Variants in FOXK2 observed in about 807,000 individuals in gnomAD.
FOXK2 encodes forkhead box K2.
In FOXK2, 24 loss-of-function variants were observed where a neutral mutation model predicts 53.3. The observed-to-expected ratio is 0.45, with a 90% confidence interval of 0.33 to 0.63. FOXK2 has a LOEUF of 0.63. Among genes scored for constraint, FOXK2 ranks in the 30% least tolerant of loss-of-function variants. The pLI is 0.03. For missense variants in FOXK2, 952 were observed against 910.5 expected, an observed-to-expected ratio of 1.05 and a Z score of -0.59; for synonymous variants, 505 against 407.1, an observed-to-expected ratio of 1.24 and a Z score of -2.89.
intron 1 of FOXK2, among the ~76,000 whole-genome samples, chr17:82,533,592 C>A (rs912442418): frequency 1.3e-5 from 2 of 152,100 alleles, no homozygotes; most frequent in African/African-American, 4.8e-5. Context: ...TACTTTCATA[C>A]GGCTGTTCGC....
intron 8 of FOXK2, among the ~76,000 whole-genome samples, chr17:82,590,418 C>T (rs1038615999): frequency 3.9e-5 from 6 of 152,166 alleles, no homozygotes; most frequent in African/African-American, 4.8e-5. Flanking sequence ...GGCCTCCCAA[C>T]GTGCTGAGAT....
intron 4 of FOXK2, among the ~76,000 whole-genome samples, chr17:82,574,559 A>G (rs2044961033): frequency 6.6e-6 from 1 of 152,096 alleles, no homozygotes. Flanking sequence ...ACCTCGGGTG[A>G]TCTGCCTGCC....
chr17:82,533,868 G>A (rs138520843), intron 1 of FOXK2, among the ~76,000 whole-genome samples: 125 of 151,626 alleles, frequency 8.2e-4, no homozygotes, highest in African/African-American at 2.7e-3. Flanking sequence ...GTGTGGTGGT[G>A]CGCAGCTGTA....
intron 1 of FOXK2, among the ~76,000 whole-genome samples, chr17:82,538,593 A>C (rs1033843877): frequency 2.0e-5 from 3 of 152,258 alleles, no homozygotes; most frequent in African/African-American, 7.2e-5. Context: ...TGGTGGACAC[A>C]GTCCCCACAG....
At chr17:82,572,959 G>C (rs1405015853) in intron 4 of FOXK2, among the ~76,000 whole-genome samples, 1 of 152,158 alleles carries the variant, frequency 6.6e-6, no homozygotes, top group Non-Finnish European at 1.5e-5. Flanking sequence ...TGAGAGCCGA[G>C]GCAGGTGGAT....
Position 82,520,141 on chromosome 17 carries a change from C to T in FOXK2, c.253C>T (p.Pro85Ser), listed in dbSNP as rs748399513. ...ISRRHLEIFT[P>S]PGGGGHGGAA... ...CCGGCGCCACCTCGAGATCTTCACG[C>T]CCCCGGGCGGCGGCGGCCATGGCGG... is the stretch of plus-strand genomic sequence containing the variant. Residue 85 changes from proline to serine, a missense_variant, in exon 1 of 9, where the codon CCC becomes TCC. Pro to Ser is a moderately conservative substitution (Grantham distance 74). This residue lies in a region of FOXK2 where 163 missense variants were observed against 165.5 expected (regional missense o/e 0.98). Coordinates refer to ENST00000335255, the MANE Select transcript of FOXK2 (RefSeq NM_004514.4). The T allele has an allele frequency of 2.6e-6, 4 of 1,526,532 alleles. No individual in the cohort carries two copies. The African/African-American group carries it at 4.3e-5, about 16-fold the overall frequency. The allele number at this position is 1,526,532 out of a possible 1,614,324, so 94.6% of individuals were successfully genotyped here.
Position 82,524,689 on chromosome 17 carries a change from C to T in FOXK2, c.419+4382C>T, listed in dbSNP as rs112642456. On this transcript the variant is annotated intron_variant, in intron 1 of 8. Transcript: ENST00000335255. ...CAGGGCTGTGTGTAAGGAAAGGCAG[C>T]GTTTTCCTCTCTTAGAGCCTCTGAC... Among the ~76,000 whole-genome samples, 739 of 152,264 alleles carry T rather than the reference C, an allele frequency of 4.9e-3. 2 individuals carry two copies. Among genetic ancestry groups the T allele is most frequent in the Non-Finnish European group, 7.5e-3 (511 of 68,018 alleles).
chr17:82,594,619 A>G (rs2045291678), intron 8 of FOXK2, among the ~76,000 whole-genome samples: 1 of 152,230 alleles, frequency 6.6e-6, no homozygotes, highest in African/African-American at 2.4e-5. Flanking sequence ...ATCTTTCCAA[A>G]AGCCGCCCTC....
chr17:82,560,929 C>G (rs1336285495), intron 1 of FOXK2, among the ~76,000 whole-genome samples: 8 of 152,060 alleles, frequency 5.3e-5, no homozygotes, highest in Admixed American at 2.0e-4. Context: ...CCACTGCTCT[C>G]CAGCCTGGGT....
chr17:82,565,144 C>T (rs1381349937), intron 2 of FOXK2, among the ~76,000 whole-genome samples: 4 of 152,086 alleles, frequency 2.6e-5, no homozygotes, highest in Non-Finnish European at 5.9e-5. Context: ...AATTTGGGCC[C>T]TTATCTTATA....
intron 1 of FOXK2, among the ~76,000 whole-genome samples, chr17:82,530,848 C>T (rs1410004432): frequency 6.6e-6 from 1 of 151,988 alleles, no homozygotes; most frequent in Non-Finnish European, 1.5e-5. Context: ...CTTTTTTGGT[C>T]TTGTATTTTT....
intron 1 of FOXK2, among the ~76,000 whole-genome samples, chr17:82,560,201 G>C (rs1198688406): frequency 6.6e-6 from 1 of 151,782 alleles, no homozygotes; most frequent in East Asian, 1.9e-4. Flanking sequence ...GTAGAGATGG[G>C]GTTTCAGAGT....
rs2044346407 is a variant in FOXK2 at position 82,520,221 on chromosome 17, C to A, written c.333C>A (p.Phe111Leu). 6 of 1,322,946 alleles carry A rather than the reference C, an allele frequency of 4.5e-6. No individual in the cohort carries two copies. The highest frequency in any genetic ancestry group is 1.6e-5 in the African/African-American group (1 of 64,512). 82.0% of individuals were successfully genotyped at this position (1,322,946 alleles called of 1,614,324 possible). A position where few individuals can be genotyped will look rare whatever the true frequency, so the allele number is the denominator to read the frequency against. ...AQPRPDAGGD[F>L]YLRCLGKNGV... is the part of the protein sequence containing the mutation. The stretch of plus-strand genomic sequence containing the variant: ...CCAGGCCCGACGCCGGCGGCGACTT[C>A]TACCTGCGCTGCTTGGGCAAGAACG... The change falls in exon 1 of 9, where the codon TTC becomes TTA. Residue 111 changes from phenylalanine to leucine, a missense_variant. Coordinates refer to ENST00000335255, the MANE Select transcript of FOXK2 (RefSeq NM_004514.4).
Position 82,520,210 on chromosome 17 carries a change from G to C in FOXK2, c.322G>C (p.Gly108Arg). The C allele has an allele frequency of 2.3e-6, 3 of 1,327,846 alleles. No individual in the cohort carries two copies. Among genetic ancestry groups the C allele is most frequent in the Non-Finnish European group, 2.9e-6 (3 of 1,040,344 alleles). The allele number at this position is 1,327,846 out of a possible 1,614,324, so 82.3% of individuals were successfully genotyped here. A position where few individuals can be genotyped will look rare whatever the true frequency, so the allele number is the denominator to read the frequency against. The change falls in exon 1 of 9, where the codon GGC becomes CGC. Residue 108 changes from glycine (G) to arginine (R), a missense_variant. This residue lies in a region of FOXK2 where 163 missense variants were observed against 165.5 expected (regional missense o/e 0.98). Transcript: ENST00000335255. ...LPPAQPRPDAGGDFYLRCLGK... is the reference protein window; with the variant it reads ...LPPAQPRPDARGDFYLRCLGK... The stretch of plus-strand genomic sequence containing the variant: ...GCCCGCGCAGCCCAGGCCCGACGCC[G>C]GCGGCGACTTCTACCTGCGCTGCTT...
At chr17:82,574,614 C>T (rs568558443) in intron 4 of FOXK2, among the ~76,000 whole-genome samples, 1 of 152,334 alleles carries the variant, frequency 6.6e-6, no homozygotes, top group South Asian at 2.1e-4. Context: ...GCCACCGCGC[C>T]TGGCCAATGT....
chr17:82,555,607 G>A (rs969289984), intron 1 of FOXK2, among the ~76,000 whole-genome samples: 9 of 151,864 alleles, frequency 5.9e-5, no homozygotes, highest in Admixed American at 2.0e-4. Context: ...CACTGTCACC[G>A]GGCGCGGTGG....
rs1156413231 is a variant in FOXK2 at position 82,571,669 on chromosome 17, T to G, written c.763-55T>G. The G allele has an allele frequency of 2.8e-6, 4 of 1,439,964 alleles. No individual in the cohort carries two copies. The African/African-American group carries it at 5.9e-5, about 21-fold the overall frequency. 89.2% of individuals were successfully genotyped at this position (1,439,964 alleles called of 1,614,324 possible). A position where few individuals can be genotyped will look rare whatever the true frequency, so the allele number is the denominator to read the frequency against. ...TGAGAATCTTTAAATCTAGTAAATTTAATACAAAATATGGTAACTTCAATA... is the reference window on the plus strand; with the variant it reads ...TGAGAATCTTTAAATCTAGTAAATTGAATACAAAATATGGTAACTTCAATA... On this transcript the variant is annotated intron_variant, in intron 3 of 8. Coordinates refer to ENST00000335255, the MANE Select transcript of FOXK2 (RefSeq NM_004514.4).
chr17:82,587,576 G>A (rs1192149460), intron 8 of FOXK2: 3 of 423,704 alleles, frequency 7.1e-6, no homozygotes, highest in Non-Finnish European at 1.3e-5. Flanking sequence ...AACGGCGGGA[G>A]CCGCCGCGTG....
chr17:82,519,862 G>A lies in FOXK2; in HGVS notation c.-27G>A. Reference sequence around the variant, plus strand: ...CCCGCGCCACCGGCGCCCGCGCGGAGCGGCCCGGGGGCCCTCACGCAGGCC... The same window carrying A: ...CCCGCGCCACCGGCGCCCGCGCGGAACGGCCCGGGGGCCCTCACGCAGGCC... On this transcript the variant is annotated 5_prime_UTR_variant, in exon 1 of 9. Transcript: ENST00000335255. The A allele has an allele frequency of 2.1e-6, 2 of 968,008 alleles. No homozygotes were observed. The highest frequency in any genetic ancestry group is 2.4e-6 in the Non-Finnish European group (2 of 817,946). The allele number at this position is 968,008 out of a possible 1,614,324, so 60.0% of individuals were successfully genotyped here.
Sources: allele counts gnomAD v4.1 joint callset (sites outside exome capture counted in the v4.1 genomes callset), GRCh38; gene constraint gnomAD v4.1.1; regional missense constraint gnomAD v4.1.1; transcripts MANE v1.5; gene names NCBI Gene and HGNC (gene_info 2026-07-23, HGNC 2026-07-21).